The following ANKMY1 variants were observed in gnomAD, a reference collection of about 807,000 sequenced individuals.
ANKMY1 encodes ankyrin repeat and MYND domain-containing protein 1.
A neutral mutation model predicts 102.0 loss-of-function variants in ANKMY1; 98 were observed. The observed-to-expected ratio is 0.96, with a 90% CI of 0.82 to 1.14. The LOEUF is 1.14. Among genes scored for constraint, ANKMY1 ranks in the 50% most tolerant of loss-of-function variants. The probability of loss-of-function intolerance (pLI) is 0.00; values close to 1 mark genes in which losing one functional copy is unlikely to be tolerated. For missense variants in ANKMY1, 1,330 were observed against 1,347.6 expected (o/e 0.99, Z 0.20); for synonymous variants, 582 against 559.9 (o/e 1.04, Z -0.56).
At position 240,529,254 on chromosome 2, in the gene ANKMY1, G is replaced by A. The variant is rs141683622; in HGVS notation, c.736C>T (p.Arg246Trp). 2,783 of 1,614,150 alleles carry A rather than the reference G, an allele frequency of 1.7e-3. 15 individuals are homozygous for A. In the Middle Eastern group the frequency reaches 0.023, roughly 13 times the overall value. The change falls in exon 5 of 18, where the codon CGG becomes TGG. Residue 246 changes from arginine (R) to tryptophan (W), a missense_variant. Coordinates refer to ENST00000401804, the MANE Select transcript of ANKMY1 (RefSeq NM_001282771.3). The surrounding 1 kb of genome is among the most constrained non-coding windows in gnomAD (Gnocchi z 4.2). ...GTTAGGTTGTCATTCAGAAGAAACC[G>A]CTTATAGTCATAGAAAAAGGGATCC... ...GQDPFFYDYK[R>W]FLLNDNLTLP...
intron 5 of ANKMY1, chr2:240,526,682 C>T: frequency 1.4e-6 from 2 of 1,417,060 alleles, no homozygotes; most frequent in Non-Finnish European, 1.8e-6. Flanking sequence ...GGCTATATGT[C>T]TGTCCCGACA....
At chr2:240,479,379 A>G (rs1392348339), downstream of ANKMY1, 10 of 598,876 alleles carry the variant, frequency 1.7e-5, no homozygotes, top group Non-Finnish European at 2.6e-5. Context: ...GGGCTCCACA[A>G]AAGCTCTGGG....
Position 240,537,537 on chromosome 2 carries a change from C to T in ANKMY1, c.481-8028G>A, listed in dbSNP as rs181012887. Reference sequence around the variant, plus strand: ...CTTGCAGTCCTCAAAACTCTACTTACATTAAATTTTGCCTCAGTCTCTTCC... The same window carrying T: ...CTTGCAGTCCTCAAAACTCTACTTATATTAAATTTTGCCTCAGTCTCTTCC... On this transcript the variant is annotated intron_variant, in intron 4 of 17. Coordinates refer to ENST00000401804, the MANE Select transcript of ANKMY1 (RefSeq NM_001282771.3). 1.1e-4 allele frequency among the ~76,000 whole-genome samples: 16 copies of T among 152,332 alleles called. No homozygotes were observed. In the East Asian group the frequency reaches 2.9e-3, roughly 28 times the overall value.
At chr2:240,500,642 G>C in intron 13 of ANKMY1, 77 bp from the exon 14 acceptor site, 1 of 1,324,126 alleles carries the variant, frequency 7.6e-7, no homozygotes. Flanking sequence ...GCCTGAGAAG[G>C]GCCATGGTCA....
chr2:240,526,004 G>C (rs1212647707), intron 6 of ANKMY1, 155 bp from the exon 7 acceptor site: 2 of 1,068,756 alleles, frequency 1.9e-6, no homozygotes, highest in South Asian at 3.0e-5. Context: ...GTGTGGGACA[G>C]AGGAATGGAA....
chr2:240,478,830 A>AC (rs925740153), downstream of ANKMY1, among the ~76,000 whole-genome samples: 5 of 149,812 alleles, frequency 3.3e-5, no homozygotes, highest in Admixed American at 6.6e-5. Context: ...ACAGGCTCCC[A>AC]CCCCCCACAC....
intron 3 of ANKMY1, 91 bp downstream of exon 3, chr2:240,554,775 T>A: frequency 6.8e-7 from 1 of 1,473,228 alleles, no homozygotes; most frequent in East Asian, 2.3e-5. Context: ...TTGATGGGCC[T>A]AAAAGTTCCC....
chr2:240,472,038 G>C, the ANKMY1 span, among the ~76,000 whole-genome samples: 1 of 152,186 alleles, frequency 6.6e-6, no homozygotes, highest in African/African-American at 2.4e-5. Context: ...CAGTCTGAAA[G>C]CAGTCCTGCC....
chr2:240,491,976 T>G (rs2076705690), intron 15 of ANKMY1, among the ~76,000 whole-genome samples: 1 of 152,062 alleles, frequency 6.6e-6, no homozygotes. Flanking sequence ...AGTTTTCATC[T>G]ATTATTTCAT....
At chr2:240,498,754 A>G (rs1049354930) in intron 15 of ANKMY1, among the ~76,000 whole-genome samples, 1 of 152,056 alleles carries the variant, frequency 6.6e-6, no homozygotes, top group Admixed American at 6.5e-5. Context: ...TGGATCCCTC[A>G]TGAGTAGCTT....
At chr2:240,470,039 T>C in the ANKMY1 span, among the ~76,000 whole-genome samples, 90,497 of 152,162 alleles carry the variant, frequency 0.59, 27,221 homozygotes, top group African/African-American at 0.66. Flanking sequence ...ATGCACAGTA[T>C]ACACGCATGC....
chr2:240,503,399 C>A (rs1398543541), intron 13 of ANKMY1, among the ~76,000 whole-genome samples: 1 of 152,192 alleles, frequency 6.6e-6, no homozygotes, highest in African/African-American at 2.4e-5. Context: ...GGCTTTTCTC[C>A]AGACACTGCT....
At chr2:240,485,254 G>A (rs1212930877) in intron 15 of ANKMY1, among the ~76,000 whole-genome samples, 1 of 151,972 alleles carries the variant, frequency 6.6e-6, no homozygotes, top group Non-Finnish European at 1.5e-5. Flanking sequence ...CGTGAACCCG[G>A]GAGGTGGAGC....
At chr2:240,557,072 C>G in intron 2 of ANKMY1, 118 bp downstream of exon 2, 5 of 1,161,766 alleles carry the variant, frequency 4.3e-6, no homozygotes, top group Non-Finnish European at 5.7e-6. Context: ...TCTCCAGAAA[C>G]TAGTTTCTCA....
chr2:240,514,279 G>A (rs1276321276), intron 9 of ANKMY1, among the ~76,000 whole-genome samples: 1 of 152,194 alleles, frequency 6.6e-6, no homozygotes, highest in African/African-American at 2.4e-5. Flanking sequence ...ACGTCTCTCA[G>A]GTAGGAGCTC....
In ANKMY1 at chr2:240,479,539, G is replaced by A. The variant is rs1308209718; in HGVS notation, c.*70C>T. 23 of 1,531,232 alleles carry A rather than the reference G, an allele frequency of 1.5e-5. No homozygotes were observed. Among genetic ancestry groups the A allele is most frequent in the Non-Finnish European group, 2.1e-5 (23 of 1,107,014 alleles). The allele number at this position is 1,531,232 out of a possible 1,614,324, so 94.9% of individuals were successfully genotyped here. On this transcript the variant is annotated 3_prime_UTR_variant, in exon 18 of 18. Transcript: ENST00000401804. ...GCATTAGGCTGGAAGATTCCCTGAG[G>A]TGGCTCAGGCAGGTAAGAAACCCAC...
downstream of ANKMY1, among the ~76,000 whole-genome samples, chr2:240,478,744 C>G (rs549406728): frequency 6.7e-6 from 1 of 149,362 alleles, no homozygotes; most frequent in Non-Finnish European, 1.5e-5. Flanking sequence ...AAAAAAAAAT[C>G]ACTGCAGGTG....
the ANKMY1 span, among the ~76,000 whole-genome samples, chr2:240,471,715 C>T: frequency 2.6e-5 from 4 of 152,176 alleles, no homozygotes; most frequent in Admixed American, 2.0e-4. Context: ...AAAGTGCCTT[C>T]GTGGGAGCCT....
At chr2:240,501,788 C>A (rs1015995604) in intron 13 of ANKMY1, among the ~76,000 whole-genome samples, 14 of 152,200 alleles carry the variant, frequency 9.2e-5, no homozygotes, top group Non-Finnish European at 1.9e-4. Flanking sequence ...CTCCCTGGCA[C>A]ATGGGGGCAT....
Sources: allele counts gnomAD v4.1 joint callset (sites outside exome capture counted in the v4.1 genomes callset), GRCh38; gene constraint gnomAD v4.1.1; non-coding constraint Gnocchi (gnomAD v3.1); transcripts MANE v1.5; gene names NCBI Gene and HGNC (gene_info 2026-07-23, HGNC 2026-07-21).